CNTN4: variants seen among roughly 807,000 people sequenced by gnomAD.
CNTN4 encodes the protein contactin-4.
CNTN4 carries 77 observed loss-of-function variants against 122.5 expected under a neutral mutation model. The observed-to-expected ratio is 0.63, with a 90% confidence interval of 0.52 to 0.76. The LOEUF is 0.76. Ranked by LOEUF, CNTN4 falls within the 30% of genes least tolerant of loss-of-function variation. CNTN4 has a pLI of 0.00. For missense variants in CNTN4, 1,256 were observed against 1,259.1 expected, an observed-to-expected ratio of 1.00 and a Z score of 0.04; for synonymous variants, 512 against 447.0, an observed-to-expected ratio of 1.15 and a Z score of -1.83.
chr3:2,886,097 C>A (rs566106213), intron 9 of CNTN4, among the ~76,000 whole-genome samples: 10 of 152,224 alleles, frequency 6.6e-5, no homozygotes, highest in African/African-American at 2.2e-4. Context: ...AGGGGAGGGG[C>A]CATAGACCTC....
Position 2,758,811 on chromosome 3 carries a change from T to C in CNTN4, c.358+13114T>C, listed in dbSNP as rs141296513. ...CGGGAGCCACCTTGCACCTAGCCAG[T>C]ACCATACTTTTTTTTAGTAACATCT... On this transcript the variant is annotated intron_variant, in intron 6 of 24. Transcript: ENST00000418658. Among the ~76,000 whole-genome samples the C allele has an allele frequency of 5.3e-3, 780 of 146,224 alleles. 4 individuals carry two copies. Among genetic ancestry groups the C allele is most frequent in the Non-Finnish European group, 8.9e-3 (596 of 66,696 alleles).
At chr3:2,818,827 A>G (rs1383844308) in intron 6 of CNTN4, among the ~76,000 whole-genome samples, 1 of 152,186 alleles carries the variant, frequency 6.6e-6, no homozygotes, top group African/African-American at 2.4e-5. Flanking sequence ...AAATATTTCA[A>G]ACTACACCAC....
intron 3 of CNTN4, among the ~76,000 whole-genome samples, chr3:2,557,615 G>A: frequency 6.6e-6 from 1 of 152,056 alleles, no homozygotes. Flanking sequence ...TGTAGTTCCA[G>A]CTACTCAGGA....
At chr3:2,639,711 A>G (rs1043870243) in intron 4 of CNTN4, among the ~76,000 whole-genome samples, 5 of 152,190 alleles carry the variant, frequency 3.3e-5, no homozygotes, top group African/African-American at 9.7e-5. Flanking sequence ...TTTGGAAAAT[A>G]TTTAACACAT....
intron 13 of CNTN4, among the ~76,000 whole-genome samples, chr3:2,977,372 C>A (rs926333943): frequency 5.3e-5 from 8 of 152,210 alleles, no homozygotes; most frequent in Non-Finnish European, 1.0e-4. Flanking sequence ...TTAATCCAAC[C>A]AACAAACTGG....
At chr3:2,557,041 A>G (rs1436279240) in intron 3 of CNTN4, among the ~76,000 whole-genome samples, 4 of 152,234 alleles carry the variant, frequency 2.6e-5, no homozygotes, top group Non-Finnish European at 5.9e-5. Flanking sequence ...TAAACTATTT[A>G]TGATTTTCTT....
chr3:2,182,956 A>G (rs2037084669), intron 2 of CNTN4, among the ~76,000 whole-genome samples: 1 of 152,130 alleles, frequency 6.6e-6, no homozygotes, highest in African/African-American at 2.4e-5. Context: ...CTGAAAATCA[A>G]CTATAAAAAT....
intron 2 of CNTN4, among the ~76,000 whole-genome samples, chr3:2,124,028 G>C (rs1309454296): frequency 6.6e-6 from 1 of 152,116 alleles, no homozygotes; most frequent in African/African-American, 2.4e-5. Flanking sequence ...ATTCCACAAA[G>C]ACAAAAAGCA....
At chr3:2,905,367 G>A (rs192099220) in intron 12 of CNTN4, among the ~76,000 whole-genome samples, 25 of 152,308 alleles carry the variant, frequency 1.6e-4, no homozygotes, top group African/African-American at 4.8e-4. Flanking sequence ...CAGCATGGCC[G>A]GGTTCCGGTG....
chr3:2,744,201 G>A (rs539562649), intron 5 of CNTN4, among the ~76,000 whole-genome samples: 3 of 152,158 alleles, frequency 2.0e-5, no homozygotes, highest in African/African-American at 7.2e-5. Context: ...TGGGACAGAG[G>A]TCTTGACAAA....
chr3:2,887,262 C>T (rs764760586), intron 10 of CNTN4, 38 bp downstream of exon 10: 2 of 1,573,022 alleles, frequency 1.3e-6, no homozygotes, highest in Non-Finnish European at 8.7e-7. Context: ...TATAGTGCTA[C>T]AGAACTTCCT....
chr3:2,787,622 T>G (rs79077775), intron 6 of CNTN4, among the ~76,000 whole-genome samples: 8,563 of 152,248 alleles, frequency 0.056, 281 homozygotes, highest in Non-Finnish European at 0.07. Flanking sequence ...AGATTTAGTC[T>G]AGTTCACTTA....
chr3:2,536,812 A>G (rs963393308), intron 3 of CNTN4, among the ~76,000 whole-genome samples: 3 of 152,250 alleles, frequency 2.0e-5, no homozygotes, highest in Admixed American at 2.0e-4. Context: ...TTCACAATGC[A>G]ACATTTGATA....
rs1165138130 is a variant in CNTN4 at position 2,736,263 on chromosome 3, T to A, written c.104T>A (p.Val35Glu). 1 of 1,613,660 alleles carries A rather than the reference T, an allele frequency of 6.2e-7. No homozygotes were observed. The highest frequency in any genetic ancestry group is 1.1e-5 in the South Asian group (1 of 91,068). Residue 35 changes from valine (V) to glutamate (E), a missense_variant, in exon 5 of 25, where the codon GTA (valine) becomes GAA (glutamate). Transcript: ENST00000418658. ...ATTTTTATTCAAGAACCAAGTCCTG[T>A]AATGTTCCCTTTGGATTCTGAGGAG... The part of the protein sequence containing the change: ...GPIFIQEPSP[V>E]MFPLDSEEKK...
intron 3 of CNTN4, among the ~76,000 whole-genome samples, chr3:2,479,487 G>C (rs2075925108): frequency 6.6e-6 from 1 of 152,174 alleles, no homozygotes; most frequent in South Asian, 2.1e-4. Flanking sequence ...AGGGAAGAAA[G>C]TTTCGTTATT....
chr3:2,353,648 A>G (rs535745125), intron 3 of CNTN4, among the ~76,000 whole-genome samples: 2 of 152,254 alleles, frequency 1.3e-5, no homozygotes, highest in East Asian at 3.9e-4. Flanking sequence ...TAAGAACTGT[A>G]ACACTCACCG....
At chr3:2,625,852 C>G (rs918766770) in intron 4 of CNTN4, among the ~76,000 whole-genome samples, 1 of 152,082 alleles carries the variant, frequency 6.6e-6, no homozygotes, top group Non-Finnish European at 1.5e-5. Flanking sequence ...TATTTATATC[C>G]TCAGCTTCAC....
chr3:3,019,356 G>A (rs781699090), intron 14 of CNTN4, among the ~76,000 whole-genome samples: 14 of 152,210 alleles, frequency 9.2e-5, no homozygotes, highest in Non-Finnish European at 1.9e-4. Context: ...CCAGGCTGGA[G>A]TGCATTGGTG....
Position 2,837,593 on chromosome 3 carries a change from T to C in CNTN4, c.454+18012T>C, listed in dbSNP as rs144838466. 5.3e-3 allele frequency among the ~76,000 whole-genome samples: 803 copies of C among 152,286 alleles called. 6 individuals carry two copies. Among genetic ancestry groups the C allele is most frequent in the Non-Finnish European group, 5.1e-3 (347 of 68,006 alleles). On this transcript the variant is annotated intron_variant, in intron 7 of 24. Coordinates refer to ENST00000418658, the MANE Select transcript of CNTN4 (RefSeq NM_175607.3). ...ACATATAACCACCCCCGTTCCCAAA[T>C]GGCACTGTAGCCTAGTTAAGAAAAT...
Sources: allele counts gnomAD v4.1 joint callset (sites outside exome capture counted in the v4.1 genomes callset), GRCh38; gene constraint gnomAD v4.1.1; transcripts MANE v1.5; gene names NCBI Gene and HGNC (gene_info 2026-07-23, HGNC 2026-07-21).